SLC25A48: variants seen among roughly 807,000 people sequenced by gnomAD.
SLC25A48 encodes CTC-321K16.1.
A neutral mutation model predicts 32.2 loss-of-function variants in SLC25A48; 29 were observed. The observed-to-expected ratio is 0.90, with a 90% CI of 0.67 to 1.23. The LOEUF (loss-of-function observed/expected upper bound fraction) is 1.23, where lower values mean the gene tolerates loss of function less well. SLC25A48 is among the 50% of genes most tolerant of loss of function. The pLI, the probability that SLC25A48 is intolerant of heterozygous loss-of-function variation, is 0.00. For missense variants in SLC25A48, 399 were observed against 422.7 expected (o/e 0.94, Z 0.49); for synonymous variants, 164 against 172.3 (o/e 0.95, Z 0.38).
chr5:135,811,180 C>T (rs1002078086), intron 3 of SLC25A48, among the ~76,000 whole-genome samples: 1 of 152,162 alleles, frequency 6.6e-6, no homozygotes, highest in Non-Finnish European at 1.5e-5. Flanking sequence ...AAGGAGGGTT[C>T]CTCTGTTTCC....
intron 3 of SLC25A48, among the ~76,000 whole-genome samples, chr5:135,660,854 C>T (rs955054872): frequency 3.9e-5 from 6 of 152,184 alleles, no homozygotes; most frequent in Admixed American, 2.0e-4. Context: ...GCTGCTGGTC[C>T]ACAGCCCACA....
Position 135,663,686 on chromosome 5 carries a change from G to A in SLC25A48, c.-521+28730G>A, listed in dbSNP as rs142524143. ...AAATGAACACAGCTATGTAAACTGC[G>A]TTTCTGTGGGCTACTCTTGTGTGGA... On this transcript the variant is annotated intron_variant, in intron 3 of 10. Transcript: ENST00000646290. Among the ~76,000 whole-genome samples, 122 of 152,334 alleles carry A rather than the reference G, an allele frequency of 8.0e-4. 1 individual carries two copies. Among genetic ancestry groups the A allele is most frequent in the Middle Eastern group, 3.4e-3 (1 of 294 alleles).
chr5:135,668,085 A>G (rs1580769615), intron 3 of SLC25A48, among the ~76,000 whole-genome samples: 1 of 152,298 alleles, frequency 6.6e-6, no homozygotes, highest in South Asian at 2.1e-4. Flanking sequence ...AGGGCCAAGA[A>G]AGGGCTTCAT....
At chr5:135,713,991 G>A (rs1754735450) in intron 3 of SLC25A48, among the ~76,000 whole-genome samples, 1 of 152,236 alleles carries the variant, frequency 6.6e-6, no homozygotes, top group Admixed American at 6.5e-5. Context: ...CCCAAAGGCT[G>A]GAGCAGGAGT....
intron 3 of SLC25A48, among the ~76,000 whole-genome samples, chr5:135,664,505 C>T (rs1269225018): frequency 3.3e-5 from 5 of 152,118 alleles, no homozygotes; most frequent in South Asian, 2.1e-4. Flanking sequence ...AATTGTTTAG[C>T]GGTCAAGTCA....
intron 3 of SLC25A48, among the ~76,000 whole-genome samples, chr5:135,680,724 G>A (rs1047440700): frequency 2.0e-4 from 30 of 152,176 alleles, no homozygotes; most frequent in Non-Finnish European, 3.8e-4. Context: ...CCACCCCCAT[G>A]ATTCAATTAT....
chr5:135,887,917 A>C, intron 7 of SLC25A48, 115 bp from the exon 8 acceptor site: 1 of 977,664 alleles, frequency 1.0e-6, no homozygotes, highest in Middle Eastern at 2.1e-4. Context: ...GTGTTTTTGT[A>C]AACTGTAAAG....
chr5:135,834,774 G>A lies in SLC25A48; in HGVS notation c.-74G>A. Reference sequence around the variant, plus strand: ...GACTTCGGTCTTGCGGCGCGCTCGCGCCCGCGGGCCATGCCCCACTGACTC... The same window carrying A: ...GACTTCGGTCTTGCGGCGCGCTCGCACCCGCGGGCCATGCCCCACTGACTC... On this transcript the variant is annotated 5_prime_UTR_variant, in exon 1 of 8. Coordinates refer to ENST00000681962, the MANE Select transcript of SLC25A48 (RefSeq NM_001349336.2). 1 of 1,457,944 alleles carries A rather than the reference G, an allele frequency of 6.9e-7. No homozygotes were observed. Among genetic ancestry groups the A allele is most frequent in the Non-Finnish European group, 9.2e-7 (1 of 1,092,870 alleles). The allele number at this position is 1,457,944 out of a possible 1,614,324, so 90.3% of individuals were successfully genotyped here.
intron 3 of SLC25A48, among the ~76,000 whole-genome samples, chr5:135,729,883 A>C (rs1413955813): frequency 6.6e-6 from 1 of 152,188 alleles, no homozygotes; most frequent in Non-Finnish European, 1.5e-5. Flanking sequence ...TAAATAACAC[A>C]GTAAAAATAA....
chr5:135,635,211 G>A (rs996672008), intron 3 of SLC25A48, among the ~76,000 whole-genome samples: 2 of 152,216 alleles, frequency 1.3e-5, no homozygotes, highest in Non-Finnish European at 2.9e-5. Flanking sequence ...CACAACTGCA[G>A]TGGGGTTGGT....
chr5:135,591,470 TG>T (rs1380290384), intron 1 of SLC25A48, among the ~76,000 whole-genome samples: 1 of 152,226 alleles, frequency 6.6e-6, no homozygotes, highest in South Asian at 2.1e-4. Context: ...AGCTGCCTTC[TG>T]GGCCCACCTC....
Position 135,754,976 on chromosome 5 carries a change from C to CA in SLC25A48, c.-520-57547_-520-57546insA, listed in dbSNP as rs531952019. ...AATATCCCTCTTCTATTTATAATAT[C>CA]CAGTGTTTACACACTGTGATATTAA... On this transcript the variant is annotated intron_variant, in intron 3 of 10. Coordinates refer to the SLC25A48 transcript ENST00000646290. Among the ~76,000 whole-genome samples, 24 of 151,940 alleles carry CA rather than the reference C, an allele frequency of 1.6e-4. No homozygotes were observed. In the South Asian group the frequency reaches 4.4e-3, roughly 28 times the overall value.
intron 3 of SLC25A48, among the ~76,000 whole-genome samples, chr5:135,776,364 A>G (rs531184908): frequency 6.6e-6 from 1 of 151,678 alleles, no homozygotes; most frequent in Non-Finnish European, 1.5e-5. Flanking sequence ...GGAAGAGAGG[A>G]TAATATTACT....
At chr5:135,586,933 C>T (rs2126873136) in intron 1 of SLC25A48, among the ~76,000 whole-genome samples, 1 of 152,248 alleles carries the variant, frequency 6.6e-6, no homozygotes, top group Non-Finnish European at 1.5e-5. Context: ...TGTCTGGCTG[C>T]TGGACGAAAG....
chr5:135,786,046 G>A (rs1365906709), intron 3 of SLC25A48, among the ~76,000 whole-genome samples: 1 of 151,726 alleles, frequency 6.6e-6, no homozygotes, highest in Non-Finnish European at 1.5e-5. Context: ...CCGTGGGGCT[G>A]GGGGTGGAAC....
At chr5:135,590,203 A>G (rs1358197878) in intron 1 of SLC25A48, among the ~76,000 whole-genome samples, 1 of 152,206 alleles carries the variant, frequency 6.6e-6, no homozygotes, top group South Asian at 2.1e-4. Context: ...TTCCTGGTGC[A>G]TATAGGGCCC....
chr5:135,785,843 T>C (rs1334160027), intron 3 of SLC25A48, among the ~76,000 whole-genome samples: 1 of 151,168 alleles, frequency 6.6e-6, no homozygotes, highest in Non-Finnish European at 1.5e-5. Context: ...ACACCTCTTT[T>C]GCCTCATAAA....
chr5:135,753,999 G>A (rs986079193), intron 3 of SLC25A48, among the ~76,000 whole-genome samples: 9 of 151,144 alleles, frequency 6.0e-5, no homozygotes, highest in Non-Finnish European at 1.0e-4. Flanking sequence ...CAGGGTGTAC[G>A]CACAGGCTGT....
intron 3 of SLC25A48, among the ~76,000 whole-genome samples, chr5:135,641,795 G>C (rs1445274519): frequency 6.6e-6 from 1 of 152,174 alleles, no homozygotes. Context: ...GGGGCTCTGT[G>C]GAAACAGGAA....
Sources: allele counts gnomAD v4.1 joint callset (sites outside exome capture counted in the v4.1 genomes callset), GRCh38; gene constraint gnomAD v4.1.1; transcripts MANE v1.5; gene names NCBI Gene and HGNC (gene_info 2026-07-23, HGNC 2026-07-21).